PLCL2: variants seen among roughly 807,000 people sequenced by gnomAD.
PLCL2 encodes phospholipase C like 2.
Under a neutral mutation model 79.6 loss-of-function variants are expected in PLCL2, and 4 were observed. The ratio of observed to expected loss-of-function variants is 0.05; its 90% CI spans 0.02 to 0.11. The LOEUF is 0.11. Ranked by LOEUF, PLCL2 falls within the 10% of genes least tolerant of loss-of-function variation. The pLI is 1.00. For missense variants in PLCL2, 895 were observed against 1,291.0 expected, an observed-to-expected ratio of 0.69 and a Z score of 4.70; for synonymous variants, 484 against 457.7, an observed-to-expected ratio of 1.06 and a Z score of -0.73.
chr3:16,989,730 T>C (rs2064084826), intron 1 of PLCL2, among the ~76,000 whole-genome samples: 1 of 152,192 alleles, frequency 6.6e-6, no homozygotes, highest in Non-Finnish European at 1.5e-5. Context: ...CCAAAGATAA[T>C]TAAGTGTCCA....
At chr3:17,063,710 A>G (rs1449842443) in intron 4 of PLCL2, among the ~76,000 whole-genome samples, 1 of 152,156 alleles carries the variant, frequency 6.6e-6, no homozygotes, top group Middle Eastern at 3.2e-3. Flanking sequence ...TATCTGGATT[A>G]CTGTAACAGT....
At chr3:16,991,290 C>T (rs1024271938) in intron 1 of PLCL2, among the ~76,000 whole-genome samples, 1 of 152,138 alleles carries the variant, frequency 6.6e-6, no homozygotes, top group Non-Finnish European at 1.5e-5. Context: ...GTTGAGGATT[C>T]ATAATAGTAG....
Position 16,885,257 on chromosome 3 carries a change from C to CCAG in PLCL2, c.219_221dup (p.Thr73_Arg74insSer). 2 of 667,484 alleles carry CCAG rather than the reference C, an allele frequency of 3.0e-6. No individual in the cohort carries two copies. Among genetic ancestry groups the CCAG allele is most frequent in the Non-Finnish European group, 5.4e-6 (2 of 368,950 alleles). The allele number at this position is 667,484 out of a possible 1,614,324, so 41.3% of individuals were successfully genotyped here. A position where few individuals can be genotyped will look rare whatever the true frequency, so the allele number is the denominator to read the frequency against. The stretch of plus-strand genomic sequence containing the variant: ...GGGGACGAAGCCCGGGCTAGCCCTA[C>CCAG]CAGGGGACCCCGCGGCGTTGCGCTC... On this transcript the variant is annotated inframe_insertion, in exon 1 of 6. Coordinates refer to ENST00000615277, the MANE Select transcript of PLCL2 (RefSeq NM_001144382.2).
At chr3:17,082,339 G>A (rs138231776) in intron 5 of PLCL2, among the ~76,000 whole-genome samples, 10 of 151,124 alleles carry the variant, frequency 6.6e-5, no homozygotes, top group Admixed American at 6.6e-4. Context: ...TAGTAGAGAC[G>A]AGGTTTCACC....
intron 3 of PLCL2, among the ~76,000 whole-genome samples, chr3:17,030,694 CTG>C (rs1316029035): frequency 6.6e-6 from 1 of 152,152 alleles, no homozygotes; most frequent in Non-Finnish European, 1.5e-5. Context: ...TCTTCCAGCT[CTG>C]TTATTCCTGG....
chr3:16,910,759 C>T (rs1696861283), intron 1 of PLCL2, among the ~76,000 whole-genome samples: 3 of 151,902 alleles, frequency 2.0e-5, no homozygotes, highest in Admixed American at 2.0e-4. Flanking sequence ...AAACACAACC[C>T]CCCCTTTTCC....
intron 3 of PLCL2, among the ~76,000 whole-genome samples, chr3:17,027,890 T>C (rs1188504689): frequency 2.0e-5 from 3 of 152,194 alleles, no homozygotes; most frequent in Non-Finnish European, 2.9e-5. Context: ...TAACGTTTGC[T>C]CTGATTTTAA....
chr3:17,053,047 A>G (rs1223533270), intron 4 of PLCL2, among the ~76,000 whole-genome samples: 3 of 152,172 alleles, frequency 2.0e-5, no homozygotes, highest in Non-Finnish European at 2.9e-5. Flanking sequence ...TGAAGGGTCA[A>G]TTATATTTGC....
chr3:16,921,831 T>A lies in PLCL2; in HGVS notation c.327+36465T>A, dbSNP rs150667091. On this transcript the variant is annotated intron_variant, in intron 1 of 5. Coordinates refer to ENST00000615277, the MANE Select transcript of PLCL2 (RefSeq NM_001144382.2). ...GAATTTGATTGTGAAGGGTCCAGAT[T>A]GAACTGTTCTTTAAGTAAGGACACA... Among the ~76,000 whole-genome samples the A allele has an allele frequency of 5.3e-5, 8 of 152,264 alleles. No homozygotes were observed. The East Asian group carries it at 1.3e-3, about 26-fold the overall frequency.
intron 1 of PLCL2, among the ~76,000 whole-genome samples, chr3:16,988,520 C>T (rs904350872): frequency 1.7e-4 from 26 of 152,180 alleles, no homozygotes; most frequent in African/African-American, 2.9e-4. Flanking sequence ...ACGGTGGCTG[C>T]GGTCTGGGTA....
chr3:16,896,571 C>G (rs1575515616), intron 1 of PLCL2, among the ~76,000 whole-genome samples: 1 of 152,200 alleles, frequency 6.6e-6, no homozygotes, highest in Non-Finnish European at 1.5e-5. Flanking sequence ...GAGAACCACT[C>G]GTTTGTGGAG....
chr3:17,008,802 G>T (rs1286970793), intron 1 of PLCL2, among the ~76,000 whole-genome samples: 1 of 151,806 alleles, frequency 6.6e-6, no homozygotes, highest in East Asian at 1.9e-4. Flanking sequence ...CTTTTCTCTG[G>T]GCTCTGAAAA....
At chr3:16,982,941 T>C (rs1271302732) in intron 1 of PLCL2, among the ~76,000 whole-genome samples, 8 of 152,274 alleles carry the variant, frequency 5.3e-5, no homozygotes, top group African/African-American at 1.7e-4. Flanking sequence ...TACATTTCTG[T>C]ATTTTATGTA....
chr3:16,977,082 T>A (rs1021247870), intron 1 of PLCL2, among the ~76,000 whole-genome samples: 1 of 152,148 alleles, frequency 6.6e-6, no homozygotes, highest in African/African-American at 2.4e-5. Flanking sequence ...ACACAAGGCA[T>A]TGTGATAGGT....
chr3:17,023,719 T>C (rs752712687), intron 3 of PLCL2, among the ~76,000 whole-genome samples: 1 of 152,162 alleles, frequency 6.6e-6, no homozygotes, highest in Non-Finnish European at 1.5e-5. Flanking sequence ...ATTTAGAACA[T>C]AGTTTGATAA....
chr3:17,082,232 C>T (rs2065170277), intron 5 of PLCL2, among the ~76,000 whole-genome samples: 1 of 146,580 alleles, frequency 6.8e-6, no homozygotes, highest in Admixed American at 7.0e-5. Flanking sequence ...CAACCTTTGC[C>T]TCCTGGGTTC....
At chr3:16,986,179 G>A (rs939449370) in intron 1 of PLCL2, among the ~76,000 whole-genome samples, 3 of 152,060 alleles carry the variant, frequency 2.0e-5, no homozygotes, top group African/African-American at 4.8e-5. Flanking sequence ...TAGCTTTGTC[G>A]TTGTGGACAA....
In PLCL2 at chr3:16,986,471, G is replaced by A. The variant is rs920614921; in HGVS notation, c.328-23203G>A. Among the ~76,000 whole-genome samples the A allele has an allele frequency of 4.6e-5, 7 of 151,930 alleles. 1 individual carries two copies. The highest frequency in any genetic ancestry group is 1.9e-4 in the East Asian group (1 of 5,190). The stretch of plus-strand genomic sequence containing the variant: ...GGCTGGAATGCAGTGGCATGATATC[G>A]GCTCACTGCAACCCCCACCGCCTGA... On this transcript the variant is annotated intron_variant, in intron 1 of 5. Transcript: ENST00000615277.
intron 5 of PLCL2, among the ~76,000 whole-genome samples, chr3:17,072,865 A>T (rs917691181): frequency 6.6e-6 from 1 of 152,130 alleles, no homozygotes; most frequent in South Asian, 2.1e-4. Flanking sequence ...CTTTCCTGCA[A>T]CCTACAGGAA....
Sources: allele counts gnomAD v4.1 joint callset (sites outside exome capture counted in the v4.1 genomes callset), GRCh38; gene constraint gnomAD v4.1.1; transcripts MANE v1.5; gene names NCBI Gene and HGNC (gene_info 2026-07-23, HGNC 2026-07-21).